CNTN5: variants seen among roughly 807,000 people sequenced by gnomAD.
The protein encoded by CNTN5 is contactin 5.
A neutral mutation model predicts 129.1 loss-of-function variants in CNTN5; 77 were observed. The observed-to-expected ratio is 0.60, with a 90% CI of 0.50 to 0.72. CNTN5 has a LOEUF of 0.72. Among genes scored for constraint, CNTN5 ranks in the 30% least tolerant of loss-of-function variants. The pLI, the probability that CNTN5 is intolerant of heterozygous loss-of-function variation, is 0.00. For synonymous variants in CNTN5, 509 were observed against 465.6 expected (o/e 1.09, Z -1.20); for missense variants, 1,478 against 1,328.8 (o/e 1.11, Z -1.75).
intron 8 of CNTN5, among the ~76,000 whole-genome samples, chr11:99,964,857 A>G (rs1457410199): frequency 1.3e-5 from 2 of 152,164 alleles, no homozygotes; most frequent in Admixed American, 6.6e-5. Flanking sequence ...TGGTCTATTC[A>G]GAGATTCAAC....
At chr11:100,072,125 C>T (rs2137875536) in intron 12 of CNTN5, among the ~76,000 whole-genome samples, 1 of 152,228 alleles carries the variant, frequency 6.6e-6, no homozygotes, top group East Asian at 1.9e-4. Context: ...TAAAGAAATA[C>T]ATGTTAACTT....
intron 16 of CNTN5, among the ~76,000 whole-genome samples, chr11:100,248,344 A>G (rs898420304): frequency 2.6e-5 from 4 of 152,098 alleles, no homozygotes; most frequent in Non-Finnish European, 4.4e-5. Context: ...CAGGAGTTTG[A>G]GACCACACTG....
At chr11:99,923,389 C>G (rs117624613) in intron 7 of CNTN5, among the ~76,000 whole-genome samples, 1,794 of 152,204 alleles carry the variant, frequency 0.012, 17 homozygotes, top group Non-Finnish European at 0.019. Context: ...TAAAGGAAGG[C>G]TTTGTGAAAA....
At chr11:99,651,317 G>C (rs552535017) in intron 3 of CNTN5, among the ~76,000 whole-genome samples, 1 of 151,812 alleles carries the variant, frequency 6.6e-6, no homozygotes, top group South Asian at 2.1e-4. Context: ...CAATTGGAGA[G>C]TGCAGAAAGG....
intron 3 of CNTN5, among the ~76,000 whole-genome samples, chr11:99,814,559 G>A (rs1946523211): frequency 6.6e-6 from 1 of 151,290 alleles, no homozygotes; most frequent in Non-Finnish European, 1.5e-5. Context: ...AAATTAGCAG[G>A]GGAGAGAGTT....
intron 7 of CNTN5, among the ~76,000 whole-genome samples, chr11:99,941,154 A>G (rs907664492): frequency 2.0e-5 from 3 of 152,008 alleles, no homozygotes; most frequent in Non-Finnish European, 4.4e-5. Context: ...ATTTATGTCA[A>G]TCTAACGGGA....
At chr11:99,947,863 TA>T (rs1950586824) in intron 7 of CNTN5, among the ~76,000 whole-genome samples, 2 of 152,284 alleles carry the variant, frequency 1.3e-5, no homozygotes, top group South Asian at 4.1e-4. Flanking sequence ...TAAGCATTTT[TA>T]AAAATTCATA....
At chr11:99,982,160 C>T (rs1460252074) in intron 8 of CNTN5, among the ~76,000 whole-genome samples, 4 of 152,216 alleles carry the variant, frequency 2.6e-5, no homozygotes, top group Non-Finnish European at 4.4e-5. Context: ...GAACTTCAAA[C>T]GAATGACTAA....
At chr11:99,477,392 C>T (rs2656158) in intron 2 of CNTN5, among the ~76,000 whole-genome samples, 30,225 of 151,734 alleles carry the variant, frequency 0.2, 3,350 homozygotes, top group Middle Eastern at 0.33. Context: ...TATAACTAAA[C>T]TCTGAGTCTC....
intron 13 of CNTN5, among the ~76,000 whole-genome samples, chr11:100,121,734 T>C (rs889657771): frequency 6.6e-6 from 1 of 152,038 alleles, no homozygotes; most frequent in Non-Finnish European, 1.5e-5. Flanking sequence ...GTGAATAAAA[T>C]AGAGAGTCTC....
At chr11:99,572,918 G>T (rs1949221483) in intron 3 of CNTN5, among the ~76,000 whole-genome samples, 1 of 152,054 alleles carries the variant, frequency 6.6e-6, no homozygotes, top group Admixed American at 6.5e-5. Context: ...ATATATTTGT[G>T]TTTGATGTTT....
At chr11:100,126,751 T>G (rs1344658768) in intron 13 of CNTN5, among the ~76,000 whole-genome samples, 1 of 152,112 alleles carries the variant, frequency 6.6e-6, no homozygotes, top group Non-Finnish European at 1.5e-5. Context: ...ATTGTAAGTC[T>G]TTTAAGTGGG....
chr11:99,133,627 A>AAAAAAAAAAT (rs1348970207), intron 1 of CNTN5, among the ~76,000 whole-genome samples: 1 of 68,732 alleles, frequency 1.5e-5, no homozygotes. Flanking sequence ...AGAAAAAAAA[A>AAAAAAAAAAT]AGACCATACA....
Position 100,350,738 on chromosome 11 carries a change from G to A in CNTN5, c.3067G>A (p.Val1023Ile). Residue 1023 changes from valine (V) to isoleucine (I), a missense_variant, in exon 24 of 25, where the codon GTT (valine) becomes ATT (isoleucine). Transcript: ENST00000524871. Reference protein sequence around the residue: ...YRQEGHSNSQVIETQKLQAVV... With the variant: ...YRQEGHSNSQIIETQKLQAVV... Reference sequence around the variant, plus strand: ...GCAAGAGGGTCACAGCAACAGCCAAGTTATTGAAACACAGAAACTTCAAGC... The same window carrying A: ...GCAAGAGGGTCACAGCAACAGCCAAATTATTGAAACACAGAAACTTCAAGC... 1 of 1,608,466 alleles carries A rather than the reference G, an allele frequency of 6.2e-7. No individual in the cohort carries two copies. The highest frequency in any genetic ancestry group is 8.5e-7 in the Non-Finnish European group (1 of 1,176,564).
At chr11:99,966,093 T>C (rs1951086233) in intron 8 of CNTN5, among the ~76,000 whole-genome samples, 1 of 152,160 alleles carries the variant, frequency 6.6e-6, no homozygotes, top group Admixed American at 6.5e-5. Flanking sequence ...ATATAAAAAT[T>C]ATCTTTAATC....
intron 2 of CNTN5, among the ~76,000 whole-genome samples, chr11:99,396,418 TA>T (rs1300545183): frequency 6.6e-6 from 1 of 151,590 alleles, no homozygotes; most frequent in East Asian, 1.9e-4. Flanking sequence ...ACAAGCATAA[TA>T]AAAAATTATG....
At position 99,637,605 on chromosome 11, in the gene CNTN5, G is replaced by A. The variant is rs566189826; in HGVS notation, c.55+81336G>A. On this transcript the variant is annotated intron_variant, in intron 3 of 24. Transcript: ENST00000524871. ...GTATTTTTTTAAGTAGTAGGAAATG[G>A]GCATTTCTCATATTCTTTTTAGTTT... Among the ~76,000 whole-genome samples, 5 of 151,884 alleles carry A rather than the reference G, an allele frequency of 3.3e-5. No homozygotes were observed. In the East Asian group the frequency reaches 9.7e-4, roughly 29 times the overall value.
intron 2 of CNTN5, among the ~76,000 whole-genome samples, chr11:99,445,781 T>G (rs917312935): frequency 6.6e-6 from 1 of 152,046 alleles, no homozygotes; most frequent in South Asian, 2.1e-4. Flanking sequence ...AGTTCCCCTC[T>G]CTTTTAAAGT....
intron 6 of CNTN5, among the ~76,000 whole-genome samples, chr11:99,902,281 A>G (rs1274336065): frequency 6.6e-6 from 1 of 151,792 alleles, no homozygotes; most frequent in Non-Finnish European, 1.5e-5. Flanking sequence ...ATGTTTGAAA[A>G]ATCCGAAAGA....
Sources: allele counts gnomAD v4.1 joint callset (sites outside exome capture counted in the v4.1 genomes callset), GRCh38; gene constraint gnomAD v4.1.1; transcripts MANE v1.5; gene names NCBI Gene and HGNC (gene_info 2026-07-23, HGNC 2026-07-21).